PRR5: variants seen among roughly 807,000 people sequenced by gnomAD.
The protein encoded by PRR5 is proline rich 5.
In PRR5, 25 loss-of-function variants were observed where a neutral mutation model predicts 30.6. The ratio of observed to expected loss-of-function variants is 0.82; its 90% CI spans 0.60 to 1.14. The LOEUF is 1.14. Among genes scored for constraint, PRR5 ranks in the 50% most tolerant of loss-of-function variants. The pLI, the probability that PRR5 is intolerant of heterozygous loss-of-function variation, is 0.00. For synonymous variants in PRR5, 286 were observed against 247.1 expected (o/e 1.16, Z -1.48); for missense variants, 600 against 547.1 (o/e 1.10, Z -0.96).
At chr22:44,710,288 C>G (rs1036533156) in intron 1 of PRR5, among the ~76,000 whole-genome samples, 2 of 114,882 alleles carry the variant, frequency 1.7e-5, no homozygotes, top group Non-Finnish European at 3.9e-5. Flanking sequence ...CACCTGCACC[C>G]CCCCCCCAGC....
At chr22:44,711,364 AG>A (rs1928209061) in intron 1 of PRR5, among the ~76,000 whole-genome samples, 1 of 152,146 alleles carries the variant, frequency 6.6e-6, no homozygotes, top group Admixed American at 6.5e-5. Flanking sequence ...CGGGGCAGAA[AG>A]AAGCCAGGGC....
At chr22:44,711,880 C>T (rs1928293837) in intron 1 of PRR5, among the ~76,000 whole-genome samples, 1 of 152,218 alleles carries the variant, frequency 6.6e-6, no homozygotes, top group South Asian at 2.1e-4. Flanking sequence ...ACAGCTGCCA[C>T]AGGGCTGGGA....
chr22:44,689,323 G>A (rs1425913579), intron 1 of PRR5, among the ~76,000 whole-genome samples: 1 of 152,148 alleles, frequency 6.6e-6, no homozygotes, highest in Non-Finnish European at 1.5e-5. Flanking sequence ...CTACCAGCTT[G>A]GTGACTCATC....
At chr22:44,672,265 G>A (rs1303835435), upstream of PRR5, among the ~76,000 whole-genome samples, 1 of 152,178 alleles carries the variant, frequency 6.6e-6, no homozygotes, top group Non-Finnish European at 1.5e-5. Flanking sequence ...AAGTGGGGAT[G>A]GGGAAGGGCC....
intron 1 of PRR5, among the ~76,000 whole-genome samples, chr22:44,695,939 T>TTTTTC (rs1925709095): frequency 1.4e-5 from 2 of 143,948 alleles, no homozygotes; most frequent in South Asian, 4.8e-4. Context: ...TTTTTTTTTT[T>TTTTTC]TTTTTTTTTG....
chr22:44,723,515 T>C (rs549550431), intron 2 of PRR5, among the ~76,000 whole-genome samples: 1 of 151,452 alleles, frequency 6.6e-6, no homozygotes, highest in South Asian at 2.1e-4. Context: ...AGGTCAGGAG[T>C]TTGAGACCAG....
chr22:44,680,050 G>A (rs937970094), intron 1 of PRR5, among the ~76,000 whole-genome samples: 2 of 152,194 alleles, frequency 1.3e-5, no homozygotes, highest in Non-Finnish European at 2.9e-5. Flanking sequence ...GGTGAGCAGT[G>A]ATGTCAGTCC....
At chr22:44,710,828 G>A (rs1397752856) in intron 1 of PRR5, among the ~76,000 whole-genome samples, 1 of 152,176 alleles carries the variant, frequency 6.6e-6, no homozygotes, top group Admixed American at 6.5e-5. Context: ...GCTGGGTGTG[G>A]CCAAGGTGTG....
upstream of PRR5, among the ~76,000 whole-genome samples, chr22:44,674,756 C>A (rs866242165): frequency 6.6e-6 from 1 of 151,354 alleles, no homozygotes; most frequent in African/African-American, 2.4e-5. Context: ...ACCAGCCTGG[C>A]CAACATGGTG....
Position 44,731,041 on chromosome 22 carries a change from T to TGGGGGAA in PRR5, c.323-686_323-680dup, listed in dbSNP as rs113131745. On this transcript the variant is annotated intron_variant, in intron 4 of 7. Coordinates refer to ENST00000336985, the MANE Select transcript of PRR5 (RefSeq NM_181333.4). ...GTGTTTGTTGGAGGGGCAGATAGTGTGGGGGAAGGAGGGAGGAGGTCGGTG... is the reference window on the plus strand; with the variant it reads ...GTGTTTGTTGGAGGGGCAGATAGTGTGGGGGAAGGGGGAAGGAGGGAGGAGGTCGGTG... The TGGGGGAA allele has an allele frequency of 4.9e-3, 1,479 of 302,862 alleles. 28 individuals are homozygous for TGGGGGAA. The highest frequency in any genetic ancestry group is 0.031 in the African/African-American group (1,389 of 44,732). The allele number at this position is 302,862 out of a possible 1,614,324, so 18.8% of individuals were successfully genotyped here.
At chr22:44,730,845 C>A in intron 4 of PRR5, 1 of 443,492 alleles carries the variant, frequency 2.3e-6, no homozygotes, top group South Asian at 1.9e-5. Flanking sequence ...GCACCCTTTC[C>A]TCGGAGGCTC....
chr22:44,716,776 A>G (rs1018215224), intron 2 of PRR5, among the ~76,000 whole-genome samples: 1 of 152,134 alleles, frequency 6.6e-6, no homozygotes, highest in African/African-American at 2.4e-5. Flanking sequence ...ACTCAGTGAC[A>G]TTAGCCTGGG....
rs766187326 is a variant in PRR5, at chr22:44,689,646, AGTTTT to A, written c.-11+12423_-11+12427del. Reference sequence around the variant, plus strand: ...TGGTGGGGACAGGAGCTCATCTCAGAGTTTTGTTTTGTTTTGTTTTGAGACGGAGT... The same window carrying A: ...TGGTGGGGACAGGAGCTCATCTCAGAGTTTTGTTTTGTTTTGAGACGGAGT... On this transcript the variant is annotated intron_variant, in intron 1 of 8. Transcript: ENST00000006251. Among the ~76,000 whole-genome samples the A allele has an allele frequency of 7.2e-4, 110 of 152,104 alleles. 1 individual carries two copies. Among genetic ancestry groups the A allele is most frequent in the South Asian group, 3.1e-3 (15 of 4,814 alleles).
rs765310412 is a variant in PRR5 at position 44,737,015 on chromosome 22, C to T, written c.935C>T (p.Ala312Val). ...GPTGTFRSSP[A>V]PHSGPCPSRL... Reference sequence around the variant, plus strand: ...ACCGGGACCTTCAGGTCCTCCCCGGCGCCCCACTCAGGGCCCTGCCCCAGC... The same window carrying T: ...ACCGGGACCTTCAGGTCCTCCCCGGTGCCCCACTCAGGGCCCTGCCCCAGC... The change falls in exon 8 of 8, where the codon GCG becomes GTG. Residue 312 changes from alanine (A) to valine (V), a missense_variant. By Grantham distance (64) the Ala-to-Val change is moderately conservative. Coordinates refer to ENST00000336985, the MANE Select transcript of PRR5 (RefSeq NM_181333.4). 110 of 1,600,340 alleles carry T rather than the reference C, an allele frequency of 6.9e-5. 1 individual carries two copies. In the South Asian group the frequency reaches 9.0e-4, roughly 13 times the overall value.
At chr22:44,703,019 G>C (rs1926595906) in intron 1 of PRR5, among the ~76,000 whole-genome samples, 1 of 152,196 alleles carries the variant, frequency 6.6e-6, no homozygotes, top group South Asian at 2.1e-4. Context: ...GGCTCAGTGG[G>C]TGGGTCGCGC....
rs144700033 is a variant in PRR5, at chr22:44,730,617, C to G, written c.323-1113C>G. The G allele has an allele frequency of 6.0e-6, 6 of 998,478 alleles. No individual in the cohort carries two copies. In the African/African-American group the frequency reaches 8.7e-5, roughly 14 times the overall value. 61.9% of individuals were successfully genotyped at this position (998,478 alleles called of 1,614,324 possible). On this transcript the variant is annotated intron_variant, in intron 4 of 7. Coordinates refer to ENST00000336985, the MANE Select transcript of PRR5 (RefSeq NM_181333.4). ...CCTACGTATCTGTTTCAGAGACTCA[C>G]CTGTCAAGATGTGTCCCCATACCAC...
upstream of PRR5, among the ~76,000 whole-genome samples, chr22:44,700,406 C>A (rs1397513626): frequency 6.6e-6 from 1 of 152,144 alleles, no homozygotes; most frequent in Non-Finnish European, 1.5e-5. Flanking sequence ...CAGAGGTTAG[C>A]AGTGAGCCAT....
At chr22:44,724,823 A>G (rs1930442662) in intron 2 of PRR5, among the ~76,000 whole-genome samples, 1 of 152,170 alleles carries the variant, frequency 6.6e-6, no homozygotes, top group Non-Finnish European at 1.5e-5. Context: ...TAAAGAGTAA[A>G]CACTTGGGAA....
chr22:44,732,307 C>A lies in PRR5; in HGVS notation c.471C>A (p.Thr157=). Residue 157 remains threonine, a synonymous_variant, in exon 6 of 8, where the codon ACC becomes ACA. Transcript: ENST00000336985. ...LALLHFRNAI[T]LSVKLEDALA... ...TGCTGCACTTCCGGAATGCCATCAC[C>A]CTCAGTGTGAAGCTAGAGGATGCGC... 1.2e-6 allele frequency: 2 copies of A among 1,612,430 alleles called. No homozygotes were observed. Among genetic ancestry groups the A allele is most frequent in the Non-Finnish European group, 1.7e-6 (2 of 1,179,990 alleles).
Sources: allele counts gnomAD v4.1 joint callset (sites outside exome capture counted in the v4.1 genomes callset), GRCh38; gene constraint gnomAD v4.1.1; transcripts MANE v1.5; gene names NCBI Gene and HGNC (gene_info 2026-07-23, HGNC 2026-07-21).